Variants in CACNA2D3 observed in about 807,000 individuals in gnomAD.
The protein encoded by CACNA2D3 is calcium voltage-gated channel auxiliary subunit alpha2delta 3.
Under a neutral mutation model 160.6 loss-of-function variants are expected in CACNA2D3, and 60 were observed. The observed-to-expected ratio is 0.37, with a 90% CI of 0.30 to 0.46. The LOEUF (loss-of-function observed/expected upper bound fraction) is 0.46. Ranked by LOEUF, CACNA2D3 falls within the 20% of genes least tolerant of loss-of-function variation. The probability of loss-of-function intolerance (pLI) is 1.00; values close to 1 mark genes in which losing one functional copy is unlikely to be tolerated. For synonymous variants in CACNA2D3, 558 were observed against 492.9 expected (o/e 1.13, Z -1.75); for missense variants, 1,205 against 1,365.0 (o/e 0.88, Z 1.85).
chr3:55,051,320 A>C (rs1182045563), intron 35 of CACNA2D3, among the ~76,000 whole-genome samples: 1 of 151,908 alleles, frequency 6.6e-6, no homozygotes, highest in African/African-American at 2.4e-5. Flanking sequence ...TTTCCTTCTA[A>C]CAGAGGGGAC....
intron 3 of CACNA2D3, among the ~76,000 whole-genome samples, chr3:54,329,362 T>TTA (rs1704193508): frequency 6.6e-6 from 1 of 152,154 alleles, no homozygotes. Context: ...TCAGGATAAC[T>TTA]TAAAGTGAGG....
At chr3:54,964,884 C>T (rs759210914) in intron 27 of CACNA2D3, among the ~76,000 whole-genome samples, 3 of 151,662 alleles carry the variant, frequency 2.0e-5, no homozygotes, top group Non-Finnish European at 2.9e-5. Context: ...ATAATGAGCT[C>T]AATCCCGTTA....
At chr3:54,354,166 G>C (rs1698610345) in intron 3 of CACNA2D3, among the ~76,000 whole-genome samples, 1 of 152,140 alleles carries the variant, frequency 6.6e-6, no homozygotes, top group African/African-American at 2.4e-5. Flanking sequence ...GTTTGCTTTG[G>C]ATCAGAATTT....
chr3:54,876,868 C>G (rs911236260), intron 18 of CACNA2D3: 3 of 152,172 alleles, frequency 2.0e-5, no homozygotes, highest in African/African-American at 7.2e-5. Context: ...TTTTATAGCC[C>G]CTGACAGGAT....
At chr3:54,789,857 C>T in intron 13 of CACNA2D3, 1 of 517,706 alleles carries the variant, frequency 1.9e-6, no homozygotes, top group Middle Eastern at 3.2e-4. Context: ...GAGGGATCTC[C>T]AGGTCAGGCC....
intron 3 of CACNA2D3, among the ~76,000 whole-genome samples, chr3:54,385,040 A>G (rs1353597491): frequency 6.6e-6 from 1 of 152,140 alleles, no homozygotes; most frequent in Non-Finnish European, 1.5e-5. Flanking sequence ...TGGATTTTAC[A>G]AAGTTAAATA....
At chr3:54,216,379 G>A (rs919960131) in intron 2 of CACNA2D3, among the ~76,000 whole-genome samples, 12 of 152,154 alleles carry the variant, frequency 7.9e-5, no homozygotes, top group African/African-American at 2.4e-4. Context: ...AGGTATATGT[G>A]TGCTTTCTAT....
intron 2 of CACNA2D3, among the ~76,000 whole-genome samples, chr3:54,158,697 A>G (rs1373887298): frequency 6.6e-6 from 1 of 152,126 alleles, no homozygotes; most frequent in African/African-American, 2.4e-5. Flanking sequence ...GTGGAGAGAG[A>G]GCACTTCCTC....
At chr3:54,467,238 A>G (rs1167084819) in intron 4 of CACNA2D3, among the ~76,000 whole-genome samples, 1 of 152,178 alleles carries the variant, frequency 6.6e-6, no homozygotes, top group Non-Finnish European at 1.5e-5. Flanking sequence ...GACTGGTAAG[A>G]GGCACCAACT....
At chr3:54,355,886 A>G (rs906519319) in intron 3 of CACNA2D3, among the ~76,000 whole-genome samples, 1 of 152,134 alleles carries the variant, frequency 6.6e-6, no homozygotes, top group African/African-American at 2.4e-5. Context: ...CATAGTGCAA[A>G]GTGCATGTGT....
intron 11 of CACNA2D3, among the ~76,000 whole-genome samples, chr3:54,736,304 A>G (rs1001855746): frequency 6.6e-6 from 1 of 151,536 alleles, no homozygotes; most frequent in African/African-American, 2.4e-5. Context: ...GATTAAATGT[A>G]CTATAATTTA....
At chr3:55,038,993 G>A (rs1703898530) in intron 35 of CACNA2D3, among the ~76,000 whole-genome samples, 1 of 150,798 alleles carries the variant, frequency 6.6e-6, no homozygotes, top group African/African-American at 2.4e-5. Flanking sequence ...AGAGCTGTGT[G>A]CCAAAAAGAA....
In CACNA2D3 at chr3:54,215,255, A is replaced by G. The variant is rs80008229; in HGVS notation, c.204+91661A>G. The stretch of plus-strand genomic sequence containing the variant: ...TTATGGTACACAATGTGATGTTTTG[A>G]TTAATCTGTGTCTACATTATGAAAT... On this transcript the variant is annotated intron_variant, in intron 2 of 37. Transcript: ENST00000474759. Among the ~76,000 whole-genome samples the G allele has an allele frequency of 5.6e-3, 859 of 152,334 alleles. 30 individuals carry two copies. The East Asian group carries it at 0.11, about 19-fold the overall frequency.
At chr3:54,985,734 A>G (rs1295220730) in intron 30 of CACNA2D3, among the ~76,000 whole-genome samples, 1 of 152,200 alleles carries the variant, frequency 6.6e-6, no homozygotes, top group Admixed American at 6.5e-5. Context: ...AATTGTCCTT[A>G]AGTGTGGCTT....
rs141777403 is a variant in CACNA2D3, at chr3:54,319,840, A to G, written c.205-602A>G. On this transcript the variant is annotated intron_variant, in intron 2 of 37. Transcript: ENST00000474759. ...TTTATGGAAAATAACAATACTTTCCAGAATAAAAAAATTAGAGGAGTAGCT... is the reference window on the plus strand; with the variant it reads ...TTTATGGAAAATAACAATACTTTCCGGAATAAAAAAATTAGAGGAGTAGCT... Among the ~76,000 whole-genome samples, 947 of 152,252 alleles carry G rather than the reference A, an allele frequency of 6.2e-3. 10 individuals are homozygous for G. The highest frequency in any genetic ancestry group is 0.033 in the Admixed American group (512 of 15,296).
chr3:54,580,253 A>G (rs1702651951), intron 8 of CACNA2D3, among the ~76,000 whole-genome samples: 1 of 152,046 alleles, frequency 6.6e-6, no homozygotes, highest in Non-Finnish European at 1.5e-5. Flanking sequence ...GTGCTCAATA[A>G]CAGTTAATTG....
chr3:54,747,004 T>A (rs1701763099), intron 11 of CACNA2D3, among the ~76,000 whole-genome samples: 1 of 152,154 alleles, frequency 6.6e-6, no homozygotes, highest in Non-Finnish European at 1.5e-5. Flanking sequence ...GCTTCTCTAT[T>A]TTTTTAACCA....
intron 35 of CACNA2D3, among the ~76,000 whole-genome samples, chr3:55,068,298 T>TATCA (rs1183283807): frequency 6.6e-6 from 1 of 152,248 alleles, no homozygotes; most frequent in East Asian, 1.9e-4. Context: ...AGGAGAGAGC[T>TATCA]ATCATCAACC....
intron 10 of CACNA2D3, among the ~76,000 whole-genome samples, chr3:54,635,129 T>C (rs1699341265): frequency 6.6e-6 from 1 of 151,740 alleles, no homozygotes; most frequent in South Asian, 2.1e-4. Context: ...GGGGTGATAT[T>C]GTGGGGTTGT....
Sources: gnomAD v4.1 joint callset for allele counts (sites outside exome capture counted in the v4.1 genomes callset) on GRCh38, gnomAD v4.1.1 for gene constraint, MANE v1.5 for transcripts, NCBI Gene and HGNC (gene_info 2026-07-23, HGNC 2026-07-21) for gene names.